FRAS1: variants seen among roughly 807,000 people sequenced by gnomAD.
FRAS1 encodes the protein extracellular matrix organizing protein FRAS1.
Under a neutral mutation model 435.2 loss-of-function variants are expected in FRAS1, and 290 were observed. That is an observed-to-expected ratio of 0.67 (90% CI 0.61 to 0.73). The LOEUF is 0.73. Among genes scored for constraint, FRAS1 ranks in the 30% least tolerant of loss-of-function variants. The pLI, the probability that FRAS1 is intolerant of heterozygous loss-of-function variation, is 0.00. For synonymous variants in FRAS1, 1,800 were observed against 1,851.0 expected (o/e 0.97, Z 0.71); for missense variants, 4,860 against 5,001.5 (o/e 0.97, Z 0.85).
intron 2 of FRAS1, among the ~76,000 whole-genome samples, chr4:78,113,856 G>T (rs1157153072): frequency 1.3e-5 from 2 of 152,104 alleles, no homozygotes; most frequent in African/African-American, 2.4e-5. Flanking sequence ...GTCAATTTTG[G>T]CTTTTGTTGC....
chr4:78,480,517 CTTGTGAAAGGGGAGAATGTGA>C (rs1228953973), intron 56 of FRAS1, among the ~76,000 whole-genome samples: 1 of 152,102 alleles, frequency 6.6e-6, no homozygotes, highest in Non-Finnish European at 1.5e-5. Flanking sequence ...AGCATCTGGG[CTTGTGAAAGGGGAGAATGTGA>C]TATATTGAGG....
intron 6 of FRAS1, among the ~76,000 whole-genome samples, chr4:78,260,906 T>G (rs1009232482): frequency 1.3e-5 from 2 of 152,188 alleles, no homozygotes; most frequent in Non-Finnish European, 2.9e-5. Context: ...TTTTATATAT[T>G]TTTGTCTGGA....
At position 78,212,828 on chromosome 4, in the gene FRAS1, TAA is replaced by T. The variant is rs573490255; in HGVS notation, c.109-24681_109-24680del. On this transcript the variant is annotated intron_variant, in intron 2 of 73. Transcript: ENST00000512123. ...AAGTTCTGGAATGGAAATTGATATATAAGTGTTTTATTGGAGAGTGTTCTTGG... is the reference window on the plus strand; with the variant it reads ...AAGTTCTGGAATGGAAATTGATATATGTGTTTTATTGGAGAGTGTTCTTGG... Among the ~76,000 whole-genome samples the T allele has an allele frequency of 2.5e-3, 374 of 152,338 alleles. 1 individual carries two copies. Among genetic ancestry groups the T allele is most frequent in the Non-Finnish European group, 3.4e-3 (230 of 68,030 alleles).
intron 2 of FRAS1, among the ~76,000 whole-genome samples, chr4:78,084,040 A>C (rs1741027965): frequency 6.6e-6 from 1 of 152,014 alleles, no homozygotes; most frequent in Admixed American, 6.6e-5. Flanking sequence ...CAGAATAATT[A>C]TTTGATTTTC....
intron 1 of FRAS1, among the ~76,000 whole-genome samples, chr4:78,059,373 C>T (rs548807210): frequency 6.6e-6 from 1 of 152,260 alleles, no homozygotes; most frequent in East Asian, 1.9e-4. Flanking sequence ...GCCTTCTGCA[C>T]TCTTCCGGGA....
In FRAS1 at chr4:78,450,240, C is replaced by G. The variant is rs769684975; in HGVS notation, c.6364C>G (p.Pro2122Ala). The change falls in exon 45 of 74, where the codon CCT becomes GCT. Residue 2122 changes from proline (P) to alanine (A), a missense_variant. Physicochemically the swap from Pro to Ala is conservative, Grantham distance 27. Transcript: ENST00000512123. The part of the protein sequence containing the change: ...HQVMYIMKED[P>A]GAGRLQMMKH... ...GGTTATGTACATCATGAAGGAAGAT[C>G]CTGGTGCAGGGCGCCTGCAGATGAT... 5.6e-6 allele frequency: 9 copies of G among 1,613,744 alleles called. No homozygotes were observed. The South Asian group carries it at 7.7e-5, about 14-fold the overall frequency.
chr4:78,407,067 C>T (rs1733127695), intron 30 of FRAS1, among the ~76,000 whole-genome samples: 1 of 152,170 alleles, frequency 6.6e-6, no homozygotes, highest in Non-Finnish European at 1.5e-5. Flanking sequence ...AAATGAGTTT[C>T]ATGTTTAGAC....
chr4:78,471,956 T>C (rs1484201536), intron 51 of FRAS1, among the ~76,000 whole-genome samples: 3 of 152,184 alleles, frequency 2.0e-5, no homozygotes, highest in African/African-American at 4.8e-5. Context: ...TCTTGCCACA[T>C]TGACCTTGTG....
intron 18 of FRAS1, among the ~76,000 whole-genome samples, chr4:78,323,216 A>C (rs1321877378): frequency 6.6e-6 from 1 of 152,276 alleles, no homozygotes; most frequent in East Asian, 1.9e-4. Flanking sequence ...TTGCTGGCAC[A>C]AAAGAGGGTT....
intron 2 of FRAS1, among the ~76,000 whole-genome samples, chr4:78,199,194 C>T (rs1722947457): frequency 1.3e-5 from 2 of 152,202 alleles, no homozygotes; most frequent in South Asian, 2.1e-4. Context: ...AATCTCATTC[C>T]TCTTGGGACT....
At chr4:78,305,456 G>A (rs1282967330) in intron 14 of FRAS1, among the ~76,000 whole-genome samples, 1 of 150,582 alleles carries the variant, frequency 6.6e-6, no homozygotes, top group Admixed American at 6.6e-5. Context: ...AATGTTGACA[G>A]TGGGGTGTTA....
chr4:78,472,756 T>C (rs1479107201), intron 52 of FRAS1, among the ~76,000 whole-genome samples: 1 of 152,220 alleles, frequency 6.6e-6, no homozygotes, highest in African/African-American at 2.4e-5. Context: ...GAAATTAAAA[T>C]CAACATGTAT....
chr4:78,276,806 A>G (rs533263887), intron 9 of FRAS1, among the ~76,000 whole-genome samples: 31 of 152,288 alleles, frequency 2.0e-4, no homozygotes, highest in African/African-American at 7.0e-4. Context: ...CAGATCTCAA[A>G]TTCTGTGCTT....
intron 2 of FRAS1, among the ~76,000 whole-genome samples, chr4:78,148,859 T>C (rs989417581): frequency 6.6e-6 from 1 of 152,218 alleles, no homozygotes; most frequent in Non-Finnish European, 1.5e-5. Flanking sequence ...ACTGTGAAGT[T>C]GCAGAGAGGC....
intron 2 of FRAS1, among the ~76,000 whole-genome samples, chr4:78,132,157 G>T (rs879438016): frequency 6.6e-6 from 1 of 152,046 alleles, no homozygotes; most frequent in South Asian, 2.1e-4. Context: ...TTTTTGCCAG[G>T]AACCTGGTTC....
chr4:78,131,707 A>G (rs1719692989), intron 2 of FRAS1, among the ~76,000 whole-genome samples: 2 of 152,212 alleles, frequency 1.3e-5, no homozygotes, highest in South Asian at 2.1e-4. Context: ...TGGCTGTGCA[A>G]AGAACACTGG....
At position 78,536,898 on chromosome 4, in the gene FRAS1, A is replaced by T. The variant is rs79191657; in HGVS notation, c.11093-97A>T. The T allele has an allele frequency of 1.9e-3, 1,629 of 873,436 alleles. 24 individuals are homozygous for T. The African/African-American group carries it at 0.025, about 13-fold the overall frequency. The allele number at this position is 873,436 out of a possible 1,614,324, so 54.1% of individuals were successfully genotyped here. A position where few individuals can be genotyped will look rare whatever the true frequency, so the allele number is the denominator to read the frequency against. On this transcript the variant is annotated intron_variant, in intron 71 of 73. Coordinates refer to ENST00000512123, the MANE Select transcript of FRAS1 (RefSeq NM_025074.7). ...AGCTCTTCATAGAAAAGTGCTTTTC[A>T]CTCTTAAGGGAGCATGTTTAACCCC... is the stretch of plus-strand genomic sequence containing the variant.
chr4:78,171,901 TC>T (rs1291941594), intron 2 of FRAS1, among the ~76,000 whole-genome samples: 2 of 151,990 alleles, frequency 1.3e-5, no homozygotes, highest in Non-Finnish European at 2.9e-5. Context: ...CCCCATCCCA[TC>T]TTGCTAGCTG....
At chr4:78,295,946 T>G (rs916022365) in intron 14 of FRAS1, among the ~76,000 whole-genome samples, 2 of 151,916 alleles carry the variant, frequency 1.3e-5, no homozygotes, top group Admixed American at 1.3e-4. Context: ...AGAGACAGGA[T>G]TTCACCATGT....
Sources: gnomAD v4.1 joint callset for allele counts (sites outside exome capture counted in the v4.1 genomes callset) on GRCh38, gnomAD v4.1.1 for gene constraint, MANE v1.5 for transcripts, NCBI Gene and HGNC (gene_info 2026-07-23, HGNC 2026-07-21) for gene names.